Variants in SLC22A31 observed in about 807,000 individuals in gnomAD.
SLC22A31 encodes solute carrier family 22 member 31, also known as putative solute carrier family 22 member 31.
A neutral mutation model predicts 27.4 loss-of-function variants in SLC22A31; 42 were observed. That is an observed-to-expected ratio of 1.53 (90% CI 1.20 to 1.98). The LOEUF is 1.98. Among genes scored for constraint, SLC22A31 ranks in the 30% most tolerant of loss-of-function variants. The pLI, the probability that SLC22A31 is intolerant of heterozygous loss-of-function variation, is 0.00. For synonymous variants in SLC22A31, 290 were observed against 230.8 expected (o/e 1.26, Z -2.33); for missense variants, 593 against 479.9 (o/e 1.24, Z -2.20).
At position 89,195,890 on chromosome 16, in the gene SLC22A31, G is replaced by A. The variant is rs996287736; in HGVS notation, c.*109C>T. 1.1e-5 allele frequency: 14 copies of A among 1,268,404 alleles called. No individual in the cohort carries two copies. The highest frequency in any genetic ancestry group is 9.6e-5 in the South Asian group (6 of 62,606). The allele number at this position is 1,268,404 out of a possible 1,614,324, so 78.6% of individuals were successfully genotyped here. ...CACGGCTCCACCTGCACTGAGACAC[G>A]GGCTTCTGAGAGGAATGTGTCTGCC... On this transcript the variant is annotated 3_prime_UTR_variant, in exon 9 of 9. Coordinates refer to ENST00000682282, the MANE Select transcript of SLC22A31 (RefSeq NM_001384763.1).
chr16:89,198,566 T>C lies in SLC22A31; in HGVS notation c.599-16A>G. The C allele has an allele frequency of 6.6e-7, 1 of 1,512,052 alleles. No homozygotes were observed. Among genetic ancestry groups the C allele is most frequent in the Non-Finnish European group, 8.8e-7 (1 of 1,131,022 alleles). 93.7% of individuals were successfully genotyped at this position (1,512,052 alleles called of 1,614,324 possible). A position where few individuals can be genotyped will look rare whatever the true frequency, so the allele number is the denominator to read the frequency against. ...ATGGTCAGCTCTGTAGCCGCAGAGA[T>C]GTGAGGGGAGGGGGGTGAGGAGCTG... On this transcript the variant is annotated splice_polypyrimidine_tract_variant and intron_variant, in intron 5 of 8. Transcript: ENST00000682282.
chr16:89,197,724 T>C (rs1916099815), intron 7 of SLC22A31, among the ~76,000 whole-genome samples: 2 of 152,192 alleles, frequency 1.3e-5, no homozygotes, highest in Non-Finnish European at 2.9e-5. Flanking sequence ...AAATCTCGAA[T>C]ACGTTGGAAG....
In SLC22A31 at chr16:89,197,450, G is replaced by A; in HGVS notation, c.923-41C>T. ...AGGGGTTCCCAGGCTCTCTCCCCAG[G>A]CCTTCCACCCTGGCCACTCAGGGCC... is the stretch of plus-strand genomic sequence containing the variant. On this transcript the variant is annotated intron_variant, in intron 7 of 8. Coordinates refer to ENST00000682282, the MANE Select transcript of SLC22A31 (RefSeq NM_001384763.1). The A allele has an allele frequency of 3.5e-6, 5 of 1,443,666 alleles. No individual in the cohort carries two copies. The South Asian group carries it at 4.9e-5, about 14-fold the overall frequency. 89.4% of individuals were successfully genotyped at this position (1,443,666 alleles called of 1,614,324 possible).
Position 89,198,817 on chromosome 16 carries a change from G to A in SLC22A31, c.453-20C>T. 1 of 1,521,312 alleles carries A rather than the reference G, an allele frequency of 6.6e-7. No individual in the cohort carries two copies. Among genetic ancestry groups the A allele is most frequent in the Non-Finnish European group, 8.8e-7 (1 of 1,135,722 alleles). The allele number at this position is 1,521,312 out of a possible 1,614,324, so 94.2% of individuals were successfully genotyped here. A position where few individuals can be genotyped will look rare whatever the true frequency, so the allele number is the denominator to read the frequency against. On this transcript the variant is annotated intron_variant, in intron 4 of 8. Coordinates refer to ENST00000682282, the MANE Select transcript of SLC22A31 (RefSeq NM_001384763.1). ...GGGAACCTGCAGCGTTGGTGAGGAT[G>A]CCCACGGCTCCCTCCACCTCCTCCT...
Position 89,198,240 on chromosome 16 carries a change from C to T in SLC22A31, c.804G>A (p.Glu268=). ...GGAGCAGGAAGACCAAGGCTGCCGC[C>T]TCCAGGCCGGCCTCCAGGAAGTAGG... ...YLPYFLEAGL[E]AAALVFLLLT... Residue 268 remains glutamate, a synonymous_variant, in exon 7 of 9, where the codon GAG becomes GAA. Coordinates refer to ENST00000682282, the MANE Select transcript of SLC22A31 (RefSeq NM_001384763.1). 6.5e-7 allele frequency: 1 copy of T among 1,535,910 alleles called. No individual in the cohort carries two copies. The highest frequency in any genetic ancestry group is 1.2e-5 in the South Asian group (1 of 84,060).
At position 89,198,717 on chromosome 16, in the gene SLC22A31, C is replaced by T. The variant is rs758202617; in HGVS notation, c.533G>A (p.Arg178His). 232 of 1,535,628 alleles carry T rather than the reference C, an allele frequency of 1.5e-4. No homozygotes were observed. The highest frequency in any genetic ancestry group is 1.9e-4 in the Non-Finnish European group (215 of 1,146,784). Residue 178 changes from arginine (R) to histidine (H), a missense_variant, in exon 5 of 9, where the codon CGC becomes CAC. By Grantham distance (29) the Arg-to-His change is conservative (BLOSUM62 0). Transcript: ENST00000682282. ...GCCCACGCCACTGGCTTCTGCAAAG[C>T]GCCACAGGATCTTCCTGGCTCGAGC... ...QVARARKILWRFAEASGVGPG... is the reference protein window; with the variant it reads ...QVARARKILWHFAEASGVGPG...
At chr16:89,198,990 G>C (rs756289384) in intron 4 of SLC22A31, 33 bp downstream of exon 4, 78 of 1,529,244 alleles carry the variant, frequency 5.1e-5, no homozygotes, top group South Asian at 5.0e-4. Context: ...CAGCCCCGAT[G>C]AGGGCTGCTG....
At chr16:89,197,627 C>A (rs1309077590) in intron 7 of SLC22A31, among the ~76,000 whole-genome samples, 1 of 152,218 alleles carries the variant, frequency 6.6e-6, no homozygotes, top group African/African-American at 2.4e-5. Context: ...GACCCCGAGC[C>A]GCAGCCACAC....
intron 1 of SLC22A31, 21 bp from the exon 2 acceptor site, chr16:89,199,837 G>C: frequency 7.5e-6 from 3 of 402,064 alleles, no homozygotes; most frequent in Non-Finnish European, 1.3e-5. Context: ...CAGCAGCCAC[G>C]TGGAGGCCAG....
At position 89,199,943 on chromosome 16, in the gene SLC22A31, G is replaced by A. The variant is rs143608033; in HGVS notation, c.25-127C>T. On this transcript the variant is annotated intron_variant, in intron 1 of 8. Coordinates refer to ENST00000682282, the MANE Select transcript of SLC22A31 (RefSeq NM_001384763.1). ...TGCTCAATCCCTCCGTGGAGAGAAG[G>A]GGAAACTGAGGCATGAGAGGGCAAG... 1.8e-3 allele frequency: 713 copies of A among 399,156 alleles called. 4 individuals are homozygous for A. Among genetic ancestry groups the A allele is most frequent in the African/African-American group, 0.013 (630 of 48,768 alleles). The allele number at this position is 399,156 out of a possible 1,614,324, so 24.7% of individuals were successfully genotyped here. A position where few individuals can be genotyped will look rare whatever the true frequency, so the allele number is the denominator to read the frequency against.
chr16:89,200,911 A>C (rs574962116), upstream of SLC22A31, among the ~76,000 whole-genome samples: 4 of 152,310 alleles, frequency 2.6e-5, no homozygotes, highest in African/African-American at 9.6e-5. Flanking sequence ...CTGCCTTGGA[A>C]AGCCAGCCCA....
At chr16:89,198,083 A>G (rs890726817) in intron 7 of SLC22A31, 39 bp downstream of exon 7, 10 of 1,528,358 alleles carry the variant, frequency 6.5e-6, no homozygotes, top group Non-Finnish European at 7.9e-6. Context: ...CGGCCCAAAC[A>G]CAATGGCTCC....
In SLC22A31 at chr16:89,200,522, C is replaced by T. The variant is rs1916482263; in HGVS notation, c.-21G>A. On this transcript the variant is annotated 5_prime_UTR_variant, in exon 1 of 9. Coordinates refer to ENST00000682282, the MANE Select transcript of SLC22A31 (RefSeq NM_001384763.1). ...GGCATTCCTGGATCCAGGCACCAAACAGGAGGAGGGCAGGTGGGAGGTGGG... is the reference window on the plus strand; with the variant it reads ...GGCATTCCTGGATCCAGGCACCAAATAGGAGGAGGGCAGGTGGGAGGTGGG... Among the ~76,000 whole-genome samples, 2 of 152,140 alleles carry T rather than the reference C, an allele frequency of 1.3e-5. No individual in the cohort carries two copies. Among genetic ancestry groups the T allele is most frequent in the South Asian group, 4.1e-4 (2 of 4,828 alleles).
At chr16:89,198,395 GCCCACCCCGGGGGATGGTGCAGGAC>G in intron 6 of SLC22A31, 22 bp downstream of exon 6, 1 of 1,529,566 alleles carries the variant, frequency 6.5e-7, no homozygotes, top group South Asian at 1.2e-5. Context: ...GGGACCATAT[GCCCACCCCGGGGGATGGTGCAGGAC>G]CCCAGCCCTT....
At chr16:89,198,601 G>C in intron 5 of SLC22A31, 51 bp from the exon 6 acceptor site, 1 of 1,523,392 alleles carries the variant, frequency 6.6e-7, no homozygotes, top group Admixed American at 2.0e-5. Context: ...GTGCCTCTCC[G>C]AAGCCCTCCT....
In SLC22A31 at chr16:89,198,318, G is replaced by A; in HGVS notation, c.726C>T (p.Ile242=). The A allele has an allele frequency of 2.0e-6, 3 of 1,535,912 alleles. No homozygotes were observed. Among genetic ancestry groups the A allele is most frequent in the Non-Finnish European group, 2.6e-6 (3 of 1,146,870 alleles). Residue 242 remains isoleucine, a synonymous_variant, in exon 7 of 9, where the codon ATC becomes ATT. Coordinates refer to ENST00000682282, the MANE Select transcript of SLC22A31 (RefSeq NM_001384763.1). ...LGFSSLVGGG[I]RASFRRSLAP... The stretch of plus-strand genomic sequence containing the variant: ...CCAGGCTGCGGCGGAAGCTAGCTCT[G>A]ATGCCTCCACCAACCAGCCTGGGAG...
chr16:89,195,917 TG>T lies in SLC22A31; in HGVS notation c.*81del. On this transcript the variant is annotated 3_prime_UTR_variant, in exon 9 of 9. Coordinates refer to ENST00000682282, the MANE Select transcript of SLC22A31 (RefSeq NM_001384763.1). Reference sequence around the variant, plus strand: ...GCTTCTGAGAGGAATGTGTCTGCCCTGGACCAGACGTCTGGGGTACTCAGCC... The same window carrying T: ...GCTTCTGAGAGGAATGTGTCTGCCCTGACCAGACGTCTGGGGTACTCAGCC... The T allele has an allele frequency of 7.2e-7, 1 of 1,386,716 alleles. No individual in the cohort carries two copies. The highest frequency in any genetic ancestry group is 9.5e-7 in the Non-Finnish European group (1 of 1,055,438). The allele number at this position is 1,386,716 out of a possible 1,614,324, so 85.9% of individuals were successfully genotyped here.
rs1361398486 is a variant in SLC22A31, at chr16:89,197,359, A to G, written c.973T>C (p.Ser325Pro). Residue 325 changes from serine to proline, a missense_variant, in exon 8 of 9, where the codon TCC becomes CCC. Ser to Pro is a moderately conservative substitution (Grantham distance 74). Transcript: ENST00000682282. ...CTGCTGAGTGCGGACACAGCCCGGG[A>G]GGCCAGGAGCCCCAGGACAGAGAGG... ...LFLSVLGLLA[S>P]RAVSALSSLF... 2 of 1,535,822 alleles carry G rather than the reference A, an allele frequency of 1.3e-6. No individual in the cohort carries two copies. The highest frequency in any genetic ancestry group is 8.7e-7 in the Non-Finnish European group (1 of 1,146,822).
rs573330310 is a variant in SLC22A31, at chr16:89,199,203, C to G, written c.284-12G>C. Reference sequence around the variant, plus strand: ...ACACAACTCCAGGCCTGGGCAGACACAGACAGGTTGAAGTGGAGGCCTCGG... The same window carrying G: ...ACACAACTCCAGGCCTGGGCAGACAGAGACAGGTTGAAGTGGAGGCCTCGG... On this transcript the variant is annotated splice_polypyrimidine_tract_variant and intron_variant, in intron 3 of 8. Coordinates refer to ENST00000682282, the MANE Select transcript of SLC22A31 (RefSeq NM_001384763.1). 1.2e-4 allele frequency: 175 copies of G among 1,518,976 alleles called. No individual in the cohort carries two copies. The African/African-American group carries it at 2.1e-3, about 18-fold the overall frequency. 94.1% of individuals were successfully genotyped at this position (1,518,976 alleles called of 1,614,324 possible).
Sources: gnomAD v4.1 joint callset for allele counts (sites outside exome capture counted in the v4.1 genomes callset) on GRCh38, gnomAD v4.1.1 for gene constraint, MANE v1.5 for transcripts, NCBI Gene and HGNC (gene_info 2026-07-23, HGNC 2026-07-21) for gene names.